Variants in CDH18 observed in about 807,000 individuals in gnomAD.
The protein encoded by CDH18 is cadherin-18.
In CDH18, 31 loss-of-function variants were observed where a neutral mutation model predicts 67.9. The ratio of observed to expected loss-of-function variants is 0.46; its 90% confidence interval spans 0.34 to 0.62. The LOEUF (loss-of-function observed/expected upper bound fraction) is 0.62, where lower values mean the gene tolerates loss of function less well. Ranked by LOEUF, CDH18 falls within the 20% of genes least tolerant of loss-of-function variation. CDH18 has a pLI of 0.01. For synonymous variants in CDH18, 362 were observed against 347.2 expected (o/e 1.04, Z -0.48); for missense variants, 890 against 975.5 (o/e 0.91, Z 1.17).
intron 5 of CDH18, among the ~76,000 whole-genome samples, chr5:19,705,465 C>T (rs543356654): frequency 1.7e-4 from 26 of 152,268 alleles, no homozygotes; most frequent in Non-Finnish European, 3.7e-4. Flanking sequence ...AGAGGAGATC[C>T]TAGTCTCAGT....
At chr5:20,229,067 G>T (rs1561894602) in intron 2 of CDH18, among the ~76,000 whole-genome samples, 2 of 152,016 alleles carry the variant, frequency 1.3e-5, no homozygotes, top group African/African-American at 4.8e-5. Flanking sequence ...GGGTGTCTTT[G>T]CTATTTCATT....
At chr5:19,522,435 G>A (rs186291585) in intron 9 of CDH18, among the ~76,000 whole-genome samples, 56 of 152,120 alleles carry the variant, frequency 3.7e-4, no homozygotes, top group African/African-American at 1.0e-3. Context: ...TTACGTCTGC[G>A]GTTAAAGAGA....
intron 1 of CDH18, among the ~76,000 whole-genome samples, chr5:20,526,855 G>A (rs1207448608): frequency 6.6e-6 from 1 of 152,068 alleles, no homozygotes; most frequent in Non-Finnish European, 1.5e-5. Context: ...CCAAAAGCCA[G>A]CATGCCTCTT....
rs73761835 is a variant in CDH18, at chr5:19,825,002, T to C, written c.228+13757A>G. On this transcript the variant is annotated intron_variant, in intron 3 of 12. Transcript: ENST00000382275. ...GCACCTGCTAGACCTTTTGACCTAG[T>C]GGTTTTACTTTTTTGTGAACTCAGC... Among the ~76,000 whole-genome samples the C allele has an allele frequency of 9.0e-3, 1,371 of 152,238 alleles. 22 individuals carry two copies. Among genetic ancestry groups the C allele is most frequent in the African/African-American group, 0.031 (1,298 of 41,546 alleles).
intron 1 of CDH18, among the ~76,000 whole-genome samples, chr5:20,476,598 G>A (rs1430770776): frequency 1.3e-5 from 2 of 151,920 alleles, no homozygotes; most frequent in African/African-American, 2.4e-5. Flanking sequence ...TTTTAGACAT[G>A]GCATTCATTA....
At chr5:20,274,713 C>A (rs115712118) in intron 1 of CDH18, among the ~76,000 whole-genome samples, 93 of 152,110 alleles carry the variant, frequency 6.1e-4, no homozygotes, top group African/African-American at 2.1e-3. Flanking sequence ...CATGTAAAAC[C>A]AATTAAATGA....
intron 2 of CDH18, among the ~76,000 whole-genome samples, chr5:19,846,373 AT>A (rs1250168894): frequency 1.3e-4 from 20 of 152,074 alleles, no homozygotes; most frequent in Non-Finnish European, 2.2e-4. Context: ...TATATTTGTT[AT>A]TTTTATACTT....
chr5:19,980,834 T>C (rs1306841329), intron 2 of CDH18, among the ~76,000 whole-genome samples: 1 of 152,208 alleles, frequency 6.6e-6, no homozygotes, highest in African/African-American at 2.4e-5. Flanking sequence ...AATCAATATA[T>C]GTGCAAAACT....
chr5:20,527,770 T>C (rs749111741), intron 1 of CDH18, among the ~76,000 whole-genome samples: 4 of 151,898 alleles, frequency 2.6e-5, no homozygotes, highest in Non-Finnish European at 5.9e-5. Context: ...GCACTAAACA[T>C]AGAAAGGAAA....
intron 12 of CDH18, among the ~76,000 whole-genome samples, chr5:19,474,032 T>C (rs1189420359): frequency 6.6e-6 from 1 of 152,096 alleles, no homozygotes; most frequent in Non-Finnish European, 1.5e-5. Flanking sequence ...GTGATTAAAG[T>C]GAGATAAACA....
intron 5 of CDH18, among the ~76,000 whole-genome samples, chr5:19,621,623 A>G (rs972152635): frequency 2.0e-5 from 3 of 152,170 alleles, no homozygotes; most frequent in African/African-American, 7.2e-5. Context: ...GAAAATGTCA[A>G]ACTCACAGTG....
chr5:19,548,295 A>T (rs1219141994), intron 8 of CDH18, among the ~76,000 whole-genome samples: 3 of 103,824 alleles, frequency 2.9e-5, no homozygotes, highest in Non-Finnish European at 6.6e-5. Flanking sequence ...TGGAATTGGG[A>T]TTTTAAATTA....
At chr5:19,957,548 T>C (rs765739315) in intron 2 of CDH18, among the ~76,000 whole-genome samples, 7 of 151,906 alleles carry the variant, frequency 4.6e-5, no homozygotes, top group Non-Finnish European at 8.8e-5. Context: ...GACCAAAATG[T>C]TTCTATTTAG....
chr5:19,978,631 G>A (rs538476096), intron 2 of CDH18, among the ~76,000 whole-genome samples: 26 of 152,188 alleles, frequency 1.7e-4, no homozygotes, highest in African/African-American at 5.8e-4. Context: ...GCTGTATTCC[G>A]TTCTAGAGGT....
chr5:19,861,300 A>G (rs896302187), intron 2 of CDH18, among the ~76,000 whole-genome samples: 4 of 134,280 alleles, frequency 3.0e-5, no homozygotes, highest in Non-Finnish European at 5.0e-5. Flanking sequence ...GTTTTTTTTT[A>G]TATCTGGGGA....
chr5:19,610,393 T>A (rs1364824359), intron 6 of CDH18, among the ~76,000 whole-genome samples: 1 of 152,128 alleles, frequency 6.6e-6, no homozygotes, highest in Admixed American at 6.6e-5. Context: ...TTCATCTATA[T>A]GAATAATATT....
rs563959628 is a variant in CDH18, at chr5:19,841,637, AG to A, written c.-256-2396del. 9.2e-5 allele frequency among the ~76,000 whole-genome samples: 14 copies of A among 151,774 alleles called. No individual in the cohort carries two copies. The East Asian group carries it at 2.5e-3, about 27-fold the overall frequency. On this transcript the variant is annotated intron_variant, in intron 2 of 12. Coordinates refer to ENST00000382275, the MANE Select transcript of CDH18 (RefSeq NM_004934.5). Reference sequence around the variant, plus strand: ...GAAGCCAAGTTGTTGAAGACATAGAAGGTGTTGTTATTTTAATACTTTCACA... The same window carrying A: ...GAAGCCAAGTTGTTGAAGACATAGAAGTGTTGTTATTTTAATACTTTCACA...
rs540323802 is a variant in CDH18, at chr5:20,145,361, AAT to A, written c.-518+110081_-518+110082del. 1.7e-3 allele frequency among the ~76,000 whole-genome samples: 259 copies of A among 152,302 alleles called. 3 individuals carry two copies. Among genetic ancestry groups the A allele is most frequent in the African/African-American group, 5.7e-3 (236 of 41,574 alleles). On this transcript the variant is annotated intron_variant, in intron 2 of 14. Coordinates refer to the CDH18 transcript ENST00000507958. ...ATGAATTATTCACATTATTATAATAAATATGTTTTGCATACTCACCTGATAAA... is the reference window on the plus strand; with the variant it reads ...ATGAATTATTCACATTATTATAATAAATGTTTTGCATACTCACCTGATAAA...
chr5:19,704,362 T>A (rs1763667208), intron 5 of CDH18, among the ~76,000 whole-genome samples: 1 of 152,172 alleles, frequency 6.6e-6, no homozygotes, highest in Non-Finnish European at 1.5e-5. Flanking sequence ...AATGGCCTGA[T>A]GGACAACCTG....
Sources: allele counts gnomAD v4.1 joint callset (sites outside exome capture counted in the v4.1 genomes callset), GRCh38; gene constraint gnomAD v4.1.1; transcripts MANE v1.5; gene names NCBI Gene and HGNC (gene_info 2026-07-23, HGNC 2026-07-21).